Variants in WSCD1 observed in about 807,000 individuals in gnomAD.
WSCD1 encodes the protein WSC domain sialate O sulfotransferase 1.
Under a neutral mutation model 60.4 loss-of-function variants are expected in WSCD1, and 41 were observed. The ratio of observed to expected loss-of-function variants is 0.68; its 90% CI spans 0.53 to 0.88. The LOEUF is 0.88. Ranked by LOEUF, WSCD1 falls within the 40% of genes least tolerant of loss-of-function variation. The pLI is 0.00. For synonymous variants in WSCD1, 361 were observed against 332.5 expected, an observed-to-expected ratio of 1.09 and a Z score of -0.93; for missense variants, 784 against 796.2, an observed-to-expected ratio of 0.98 and a Z score of 0.18.
rs772153163 is a variant in WSCD1 at position 6,080,657 on chromosome 17, G to T, written c.-2G>T. 2 of 1,613,318 alleles carry T rather than the reference G, an allele frequency of 1.2e-6. No homozygotes were observed. The highest frequency in any genetic ancestry group is 1.1e-5 in the South Asian group (1 of 91,050). ...CAGCCAGGAGCCCTGCTGCCCAGGG[G>T]CATGGCCAAACCTTTCTTCCGACTC... is the stretch of plus-strand genomic sequence containing the variant. On this transcript the variant is annotated 5_prime_UTR_variant, in exon 2 of 9. Coordinates refer to ENST00000317744, the MANE Select transcript of WSCD1 (RefSeq NM_015253.2). The surrounding 1 kb of genome is among the most constrained non-coding windows in gnomAD (Gnocchi z 6.6).
At position 6,088,026 on chromosome 17, in the gene WSCD1, A is replaced by G; in HGVS notation, c.464A>G (p.Glu155Gly). The G allele has an allele frequency of 6.2e-7, 1 of 1,614,166 alleles. No individual in the cohort carries two copies. The highest frequency in any genetic ancestry group is 8.5e-7 in the Non-Finnish European group (1 of 1,180,000). ...GGATGCTTCAGTGACGATGGCCACG[A>G]GAGGACTCTGAAAGGAGCTGTGTTT... ...YIGCFSDDGHERTLKGAVFYD... is the reference protein window; with the variant it reads ...YIGCFSDDGHGRTLKGAVFYD... The change falls in exon 3 of 9, where the codon GAG (glutamate) becomes GGG (glycine). Residue 155 changes from glutamate (E) to glycine (G), a missense_variant. Physicochemically the swap from Glu to Gly is moderately conservative, Grantham distance 98 (BLOSUM62 -2). Transcript: ENST00000317744.
rs1414134206 is a variant in WSCD1 at position 6,101,851 on chromosome 17, C to G, written c.849+6628C>G. On this transcript the variant is annotated intron_variant, in intron 5 of 8. Transcript: ENST00000317744. The surrounding 1 kb of genome is among the most constrained non-coding windows in gnomAD (Gnocchi z 4.1). The stretch of plus-strand genomic sequence containing the variant: ...TCAGATCTGGGGTAATTAGTTTTGT[C>G]GCCTGATATTTGTGCTCAAGTAGAT... 6.6e-6 allele frequency among the ~76,000 whole-genome samples: 1 copy of G among 152,112 alleles called. No homozygotes were observed. The highest frequency in any genetic ancestry group is 1.5e-5 in the Non-Finnish European group (1 of 68,038).
rs530109097 is a variant in WSCD1, at chr17:6,105,650, C to A, written c.850-3957C>A. ...GCTCTGCAAACACCCGGAAACTTGA[C>A]AGTTTAATCCACTCAAGGAAGCAAA... On this transcript the variant is annotated intron_variant, in intron 5 of 8. Coordinates refer to ENST00000317744, the MANE Select transcript of WSCD1 (RefSeq NM_015253.2). Among the ~76,000 whole-genome samples the A allele has an allele frequency of 1.8e-4, 28 of 152,290 alleles. No individual in the cohort carries two copies. The South Asian group carries it at 5.6e-3, about 30-fold the overall frequency.
chr17:6,090,119 C>A (rs1909923217), intron 3 of WSCD1, among the ~76,000 whole-genome samples: 1 of 152,206 alleles, frequency 6.6e-6, no homozygotes, highest in Non-Finnish European at 1.5e-5. Context: ...AAAGAAAAGA[C>A]AAGGTCCTTA....
upstream of WSCD1, among the ~76,000 whole-genome samples, chr17:6,069,936 A>AGTGTGG (rs1908421720): frequency 6.8e-6 from 1 of 147,456 alleles, no homozygotes; most frequent in Non-Finnish European, 1.5e-5. Flanking sequence ...TGTGTGTGTG[A>AGTGTGG]GTGTGGGTGT....
chr17:6,084,565 T>C (rs775356991), intron 2 of WSCD1, among the ~76,000 whole-genome samples: 4 of 152,276 alleles, frequency 2.6e-5, no homozygotes, highest in Non-Finnish European at 2.9e-5. Context: ...CATTTCATTA[T>C]ACCTTGGACA....
Position 6,102,295 on chromosome 17 carries a change from C to T in WSCD1, c.849+7072C>T, listed in dbSNP as rs561414857. Reference sequence around the variant, plus strand: ...AAATCCACTTGGATTCCAATAGATTCGGTCTATCCAAGGTAGCCTTATGGT... The same window carrying T: ...AAATCCACTTGGATTCCAATAGATTTGGTCTATCCAAGGTAGCCTTATGGT... On this transcript the variant is annotated intron_variant, in intron 5 of 8. Transcript: ENST00000317744. 1.1e-4 allele frequency among the ~76,000 whole-genome samples: 17 copies of T among 152,308 alleles called. 1 individual carries two copies. The highest frequency in any genetic ancestry group is 3.9e-4 in the East Asian group (2 of 5,182).
rs142712873 is a variant in WSCD1, at chr17:6,084,501, G to T, written c.427+3416G>T. Among the ~76,000 whole-genome samples, 651 of 152,314 alleles carry T rather than the reference G, an allele frequency of 4.3e-3. 2 individuals carry two copies. The highest frequency in any genetic ancestry group is 0.014 in the African/African-American group (591 of 41,576). ...GGCCCGGGCAGCCCGCCATCCTCCT[G>T]AAAGGGGATCCTGTAAGGCGCGGAA... On this transcript the variant is annotated intron_variant, in intron 2 of 8. Coordinates refer to ENST00000317744, the MANE Select transcript of WSCD1 (RefSeq NM_015253.2).
At chr17:6,084,015 T>G (rs1036024650) in intron 2 of WSCD1, among the ~76,000 whole-genome samples, 1 of 151,992 alleles carries the variant, frequency 6.6e-6, no homozygotes, top group Non-Finnish European at 1.5e-5. Context: ...GTCTTATCAG[T>G]TGTTAAAATA....
rs1218088232 is a variant in WSCD1 at position 6,118,685 on chromosome 17, C to A, written c.1375+497C>A. On this transcript the variant is annotated intron_variant, in intron 8 of 8. Coordinates refer to ENST00000317744, the MANE Select transcript of WSCD1 (RefSeq NM_015253.2). This position sits in a 1 kb window ranked among gnomAD's most constrained non-coding sequence, Gnocchi z 5.8. ...TGCCTGGTCTCTGGTCAGAGCTCAG[C>A]ATGTTAATTCCCTCCTAAGCTGCCT... 6.6e-6 allele frequency among the ~76,000 whole-genome samples: 1 copy of A among 152,202 alleles called. No homozygotes were observed. Among genetic ancestry groups the A allele is most frequent in the Non-Finnish European group, 1.5e-5 (1 of 68,042 alleles).
intron 2 of WSCD1, 30 bp downstream of exon 2, chr17:6,081,115 G>C: frequency 6.6e-7 from 1 of 1,516,556 alleles, no homozygotes; most frequent in Middle Eastern, 1.7e-4. Flanking sequence ...TGGGGGAGCT[G>C]TTCCCAGGAC....
chr17:6,120,647 T>A lies in WSCD1; in HGVS notation c.1714T>A (p.Tyr572Asn), dbSNP rs762634584. ...CAACTGGACGGGGCTGCCCAGGGAG[T>A]ATGTGCCCAGATGATAGGCCTGGCC... ...DHNWTGLPRE[Y>N]VPR Residue 572 changes from tyrosine to asparagine, a missense_variant, in exon 9 of 9, where the codon TAT becomes AAT. By Grantham distance (143) the Tyr-to-Asn change is moderately radical (BLOSUM62 -2). Transcript: ENST00000317744. The A allele has an allele frequency of 6.2e-7, 1 of 1,610,934 alleles. No individual in the cohort carries two copies. The highest frequency in any genetic ancestry group is 8.5e-7 in the Non-Finnish European group (1 of 1,178,560).
chr17:6,097,252 T>G (rs1910501402), intron 5 of WSCD1, among the ~76,000 whole-genome samples: 1 of 152,252 alleles, frequency 6.6e-6, no homozygotes, highest in South Asian at 2.1e-4. Context: ...GGGTGGCCAT[T>G]GTGGCCATGA....
chr17:6,073,369 A>C (rs1490392552), intron 1 of WSCD1, among the ~76,000 whole-genome samples: 1 of 152,208 alleles, frequency 6.6e-6, no homozygotes, highest in Non-Finnish European at 1.5e-5. Context: ...GGTGGCTCAC[A>C]CCTGTAATTC....
At chr17:6,120,220 C>G in intron 8 of WSCD1, 89 bp from the exon 9 acceptor site, 1 of 1,401,442 alleles carries the variant, frequency 7.1e-7, no homozygotes, top group South Asian at 1.3e-5. Flanking sequence ...AAAACCCTGC[C>G]CACTTCCCTC....
In WSCD1 at chr17:6,123,440, A is replaced by G. The variant is rs1289250541; in HGVS notation, c.*2779A>G. 2 of 152,230 alleles carry G rather than the reference A, an allele frequency of 1.3e-5. No homozygotes were observed. The highest frequency in any genetic ancestry group is 2.9e-5 in the Non-Finnish European group (2 of 68,042). The allele number at this position is 152,230 out of a possible 1,614,324, so 9.4% of individuals were successfully genotyped here. ...GACAGGCTTCCAAACCCTGGGAAGA[A>G]AGCTGCTTAATTATGTGAACATCTT... On this transcript the variant is annotated 3_prime_UTR_variant, in exon 9 of 9. Transcript: ENST00000317744.
chr17:6,077,506 C>A (rs1180172626), intron 1 of WSCD1, among the ~76,000 whole-genome samples: 1 of 152,164 alleles, frequency 6.6e-6, no homozygotes, highest in East Asian at 1.9e-4. Flanking sequence ...GGAAATCTGG[C>A]CTGCACGTGG....
Position 6,080,584 on chromosome 17 carries a change from G to A in WSCD1, c.-75G>A, listed in dbSNP as rs1909165821. On this transcript the variant is annotated 5_prime_UTR_variant, in exon 2 of 9. Transcript: ENST00000317744. This position sits in a 1 kb window ranked among gnomAD's most constrained non-coding sequence, Gnocchi z 6.6. ...AGGATGCAAGGATGACGCCTCCGGA[G>A]GCCCTGGCCTCACTCCCACCTGGGC... 2 of 1,514,186 alleles carry A rather than the reference G, an allele frequency of 1.3e-6. No individual in the cohort carries two copies. The highest frequency in any genetic ancestry group is 1.8e-6 in the Non-Finnish European group (2 of 1,111,066). 93.8% of individuals were successfully genotyped at this position (1,514,186 alleles called of 1,614,324 possible). A position where few individuals can be genotyped will look rare whatever the true frequency, so the allele number is the denominator to read the frequency against.
At chr17:6,095,496 C>G (rs28686853) in intron 5 of WSCD1, among the ~76,000 whole-genome samples, 1,696 of 152,342 alleles carry the variant, frequency 0.011, 34 homozygotes, top group African/African-American at 0.038. Flanking sequence ...CGAACTCTTG[C>G]CACAAGTGTC....
Sources: allele counts gnomAD v4.1 joint callset (sites outside exome capture counted in the v4.1 genomes callset), GRCh38; gene constraint gnomAD v4.1.1; non-coding constraint Gnocchi (gnomAD v3.1); transcripts MANE v1.5; gene names NCBI Gene and HGNC (gene_info 2026-07-23, HGNC 2026-07-21).